Variants in SIL1 observed in about 807,000 individuals in gnomAD.
The protein encoded by SIL1 is nucleotide exchange factor SIL1.
Under a neutral mutation model 49.1 loss-of-function variants are expected in SIL1, and 40 were observed. The observed-to-expected ratio is 0.81, with a 90% CI of 0.63 to 1.06. The LOEUF (loss-of-function observed/expected upper bound fraction) is 1.06. Ranked by LOEUF, SIL1 falls within the 50% of genes least tolerant of loss-of-function variation. The pLI, the probability that SIL1 is intolerant of heterozygous loss-of-function variation, is 0.00. For synonymous variants in SIL1, 253 were observed against 250.8 expected (o/e 1.01, Z -0.08); for missense variants, 500 against 572.6 (o/e 0.87, Z 1.29).
intron 2 of SIL1, 80 bp downstream of exon 2, chr5:139,127,659 T>C: frequency 1.0e-5 from 12 of 1,149,050 alleles, no homozygotes; most frequent in Non-Finnish European, 1.5e-5. Context: ...CACACCCTAC[T>C]CCCACAACAG....
At chr5:138,980,979 C>A (rs535413584) in intron 7 of SIL1, among the ~76,000 whole-genome samples, 1 of 151,910 alleles carries the variant, frequency 6.6e-6, no homozygotes, top group Non-Finnish European at 1.5e-5. Context: ...CCGAGGCAGG[C>A]GGATCACTTG....
chr5:139,009,180 C>G (rs1243910546), intron 7 of SIL1, among the ~76,000 whole-genome samples: 2 of 147,780 alleles, frequency 1.4e-5, no homozygotes, highest in East Asian at 2.0e-4. Context: ...GGATAGTTAG[C>G]TCTTCTTGTT....
chr5:139,162,021 A>AG, intron 1 of SIL1, among the ~76,000 whole-genome samples: 1 of 152,218 alleles, frequency 6.6e-6, no homozygotes, highest in East Asian at 1.9e-4. Context: ...TCAAAAAAAA[A>AG]AAAAAATTAG....
intron 1 of SIL1, among the ~76,000 whole-genome samples, chr5:139,144,013 T>C (rs1303312872): frequency 6.6e-6 from 1 of 152,216 alleles, no homozygotes; most frequent in Non-Finnish European, 1.5e-5. Context: ...GATATGATAT[T>C]GCTAAAATGA....
At chr5:139,166,840 A>C (rs1004955623) in intron 1 of SIL1, among the ~76,000 whole-genome samples, 1 of 148,980 alleles carries the variant, frequency 6.7e-6, no homozygotes, top group African/African-American at 2.5e-5. Flanking sequence ...ACAGAGTCTC[A>C]CTCTGTCGCC....
At chr5:138,996,926 G>A (rs1045798587) in intron 7 of SIL1, among the ~76,000 whole-genome samples, 6 of 152,054 alleles carry the variant, frequency 3.9e-5, no homozygotes, top group Non-Finnish European at 8.8e-5. Context: ...CAATGTCCTG[G>A]AGCCTTTCTC....
In SIL1 at chr5:139,063,758, C is replaced by T. The variant is rs573229363; in HGVS notation, c.245-12712G>A. 7.5e-4 allele frequency among the ~76,000 whole-genome samples: 114 copies of T among 152,310 alleles called. 3 individuals carry two copies. The South Asian group carries it at 0.022, about 29-fold the overall frequency. On this transcript the variant is annotated intron_variant, in intron 3 of 9. Coordinates refer to ENST00000394817, the MANE Select transcript of SIL1 (RefSeq NM_022464.5). ...ACTCTTGAGGATTCCAGAGTGCCTG[C>T]ATTTCCCACCCAGGTACAATTTCAT...
intron 4 of SIL1, among the ~76,000 whole-genome samples, chr5:139,048,691 T>G (rs1334899722): frequency 2.0e-5 from 3 of 152,196 alleles, no homozygotes. Flanking sequence ...ATTCATAAGC[T>G]AAGAAAAGAA....
chr5:139,031,240 T>C (rs925725055), intron 5 of SIL1, among the ~76,000 whole-genome samples: 1 of 151,084 alleles, frequency 6.6e-6, no homozygotes, highest in Non-Finnish European at 1.5e-5. Flanking sequence ...TCTAGAAGAT[T>C]TTTTTTTTCT....
At position 139,107,176 on chromosome 5, in the gene SIL1, T is replaced by C. The variant is rs537013135; in HGVS notation, c.244+13859A>G. ...GCCTAGAACAGACCTTGCCTGAGGATGCAGCAGGTGTGCAGGTGCTTAAGA... is the reference window on the plus strand; with the variant it reads ...GCCTAGAACAGACCTTGCCTGAGGACGCAGCAGGTGTGCAGGTGCTTAAGA... On this transcript the variant is annotated intron_variant, in intron 3 of 9. Transcript: ENST00000394817. Among the ~76,000 whole-genome samples the C allele has an allele frequency of 2.0e-5, 3 of 152,302 alleles. No individual in the cohort carries two copies. In the South Asian group the frequency reaches 6.2e-4, roughly 32 times the overall value.
chr5:139,033,139 G>A (rs1361150138), intron 5 of SIL1, among the ~76,000 whole-genome samples: 7 of 151,972 alleles, frequency 4.6e-5, no homozygotes, highest in Non-Finnish European at 8.8e-5. Flanking sequence ...GACTACAAGC[G>A]TGCGCCACCA....
At chr5:139,171,855 G>GA (rs1413887434) in intron 1 of SIL1, among the ~76,000 whole-genome samples, 1 of 151,872 alleles carries the variant, frequency 6.6e-6, no homozygotes, top group Non-Finnish European at 1.5e-5. Context: ...AAGGCATGGA[G>GA]AAAAATCAAG....
chr5:139,051,913 G>A (rs1769296638), intron 3 of SIL1, among the ~76,000 whole-genome samples: 1 of 152,234 alleles, frequency 6.6e-6, no homozygotes, highest in African/African-American at 2.4e-5. Context: ...TGAAACTGCT[G>A]TAGGGATGGA....
intron 7 of SIL1, among the ~76,000 whole-genome samples, chr5:138,987,840 CTTTTTAT>C (rs1362313157): frequency 1.3e-5 from 2 of 152,066 alleles, no homozygotes; most frequent in Non-Finnish European, 2.9e-5. Flanking sequence ...AATAGTTGAG[CTTTTTAT>C]TTTTTGAGAC....
At chr5:139,034,932 T>A (rs535169062) in intron 5 of SIL1, among the ~76,000 whole-genome samples, 1 of 152,222 alleles carries the variant, frequency 6.6e-6, no homozygotes, top group Non-Finnish European at 1.5e-5. Context: ...CAGCATCTAT[T>A]ATTTTTTGAC....
intron 7 of SIL1, among the ~76,000 whole-genome samples, chr5:138,982,745 A>G (rs934127257): frequency 6.6e-6 from 1 of 152,172 alleles, no homozygotes; most frequent in Non-Finnish European, 1.5e-5. Flanking sequence ...TCCCTAGCAT[A>G]GTTCTTTTCA....
intron 3 of SIL1, among the ~76,000 whole-genome samples, chr5:139,118,397 T>C (rs1217288420): frequency 6.6e-6 from 1 of 152,204 alleles, no homozygotes; most frequent in Non-Finnish European, 1.5e-5. Context: ...TTTCTCCATG[T>C]TAGGAAGTAG....
At position 139,032,264 on chromosome 5, in the gene SIL1, TATC is replaced by T. The variant is rs1454276824; in HGVS notation, c.454-5275_454-5273del. ...GGTTTCTATTCCTAGATTTCTGAGTTATCATGAATGGGTACTGAATATGGTCAA... is the reference window on the plus strand; with the variant it reads ...GGTTTCTATTCCTAGATTTCTGAGTTATGAATGGGTACTGAATATGGTCAA... On this transcript the variant is annotated intron_variant, in intron 5 of 9. Transcript: ENST00000394817. Among the ~76,000 whole-genome samples the T allele has an allele frequency of 5.9e-5, 9 of 152,348 alleles. No homozygotes were observed. The East Asian group carries it at 1.5e-3, about 26-fold the overall frequency.
intron 5 of SIL1, among the ~76,000 whole-genome samples, chr5:139,028,832 G>C (rs1768721889): frequency 6.6e-6 from 1 of 152,280 alleles, no homozygotes; most frequent in East Asian, 1.9e-4. Context: ...GTAACTACCA[G>C]AACAATCATG....
Sources: gnomAD v4.1 joint callset for allele counts (sites outside exome capture counted in the v4.1 genomes callset) on GRCh38, gnomAD v4.1.1 for gene constraint, MANE v1.5 for transcripts, NCBI Gene and HGNC (gene_info 2026-07-23, HGNC 2026-07-21) for gene names.